The following ERGIC1 variants were observed in gnomAD, a reference collection of about 807,000 sequenced individuals.
The protein encoded by ERGIC1 is endoplasmic reticulum-golgi intermediate compartment 1.
ERGIC1 carries 19 observed loss-of-function variants against 38.3 expected under a neutral mutation model. The ratio of observed to expected loss-of-function variants is 0.50; its 90% CI spans 0.35 to 0.73. The LOEUF is 0.73. Among genes scored for constraint, ERGIC1 ranks in the 30% least tolerant of loss-of-function variants. The pLI is 0.01. For missense variants in ERGIC1, 294 were observed against 389.2 expected (o/e 0.76, Z 2.06); for synonymous variants, 124 against 157.6 (o/e 0.79, Z 1.60).
intron 9 of ERGIC1, chr5:172,936,775 A>C (rs1200661059): frequency 6.6e-6 from 1 of 152,430 alleles, no homozygotes; most frequent in Non-Finnish European, 1.5e-5. Context: ...AGGCGGGAGG[A>C]TCGCTTGAGG....
chr5:172,896,068 T>C (rs1487307933), intron 2 of ERGIC1, among the ~76,000 whole-genome samples: 1 of 151,890 alleles, frequency 6.6e-6, no homozygotes, highest in Non-Finnish European at 1.5e-5. Flanking sequence ...ACCGGCCGGG[T>C]GTAGTGGCTC....
intron 4 of ERGIC1, among the ~76,000 whole-genome samples, chr5:172,910,531 T>C (rs1763179363): frequency 6.7e-6 from 1 of 148,154 alleles, no homozygotes; most frequent in Non-Finnish European, 1.5e-5. Context: ...TTTTTTTTTT[T>C]TTTTTTTTTT....
chr5:172,897,518 G>A (rs1248752652), intron 3 of ERGIC1, among the ~76,000 whole-genome samples: 3 of 152,026 alleles, frequency 2.0e-5, no homozygotes, highest in East Asian at 3.8e-4. Context: ...CTGTGGCATC[G>A]GTTGCTCTTC....
intron 8 of ERGIC1, chr5:172,933,747 G>A (rs1248014791): frequency 2.0e-5 from 3 of 152,198 alleles, no homozygotes; most frequent in Non-Finnish European, 4.4e-5. Context: ...TGCAAGCTCA[G>A]GACCACGCTG....
At chr5:172,858,419 G>A (rs556788971) in intron 1 of ERGIC1, among the ~76,000 whole-genome samples, 225 of 152,316 alleles carry the variant, frequency 1.5e-3, no homozygotes, top group Admixed American at 3.3e-3. Context: ...GACCCATTCC[G>A]GGTCTCGGGC....
chr5:172,901,144 T>G (rs1762865606), intron 3 of ERGIC1, among the ~76,000 whole-genome samples: 1 of 152,174 alleles, frequency 6.6e-6, no homozygotes, highest in Non-Finnish European at 1.5e-5. Context: ...AGATTGTAAC[T>G]TAAGGAAATG....
chr5:172,939,852 C>T (rs777751932), intron 9 of ERGIC1, among the ~76,000 whole-genome samples: 1 of 152,232 alleles, frequency 6.6e-6, no homozygotes, highest in Non-Finnish European at 1.5e-5. Context: ...GGGATGACGC[C>T]AGCACTCAGA....
At chr5:172,919,603 ACT>A (rs1397800994) in intron 5 of ERGIC1, among the ~76,000 whole-genome samples, 3 of 152,062 alleles carry the variant, frequency 2.0e-5, no homozygotes, top group East Asian at 1.9e-4. Context: ...TGGTTGAATG[ACT>A]CTGGGCAGTT....
intron 1 of ERGIC1, among the ~76,000 whole-genome samples, chr5:172,877,459 T>TATATA (rs1554108825): frequency 2.6e-4 from 15 of 57,782 alleles, no homozygotes; most frequent in African/African-American, 7.4e-4. Flanking sequence ...TATATATATA[T>TATATA]TTTTTTTTTT....
intron 1 of ERGIC1, among the ~76,000 whole-genome samples, chr5:172,883,300 G>A (rs1167986383): frequency 6.6e-6 from 1 of 152,130 alleles, no homozygotes; most frequent in Non-Finnish European, 1.5e-5. Context: ...CCATTAGACA[G>A]TGCTGCCGGC....
At chr5:172,874,879 C>G (rs899804887) in intron 1 of ERGIC1, among the ~76,000 whole-genome samples, 3 of 148,986 alleles carry the variant, frequency 2.0e-5, no homozygotes, top group African/African-American at 2.5e-5. Context: ...GAGCCATGAT[C>G]GCGCCACTGC....
At chr5:172,844,580 T>G (rs1761239752) in intron 1 of ERGIC1, among the ~76,000 whole-genome samples, 1 of 152,198 alleles carries the variant, frequency 6.6e-6, no homozygotes, top group Non-Finnish European at 1.5e-5. Flanking sequence ...GGGCATGGAC[T>G]TGAGGCTGGA....
intron 1 of ERGIC1, among the ~76,000 whole-genome samples, chr5:172,864,014 G>T (rs966354417): frequency 2.6e-5 from 4 of 152,144 alleles, no homozygotes; most frequent in African/African-American, 9.7e-5. Context: ...TGACCAACAT[G>T]CTGAAACTTC....
At chr5:172,880,809 G>C (rs1762261015) in intron 1 of ERGIC1, among the ~76,000 whole-genome samples, 1 of 152,222 alleles carries the variant, frequency 6.6e-6, no homozygotes, top group African/African-American at 2.4e-5. Context: ...CTCTGTTTGG[G>C]TTCTGCCCCA....
At chr5:172,916,613 C>G (rs991853825) in intron 5 of ERGIC1, 1 of 152,234 alleles carries the variant, frequency 6.6e-6, no homozygotes, top group Admixed American at 6.5e-5. Context: ...GGGGCCACAG[C>G]GTTAGACAGT....
intron 3 of ERGIC1, among the ~76,000 whole-genome samples, chr5:172,901,069 G>C (rs1762864015): frequency 6.6e-6 from 1 of 152,200 alleles, no homozygotes; most frequent in Admixed American, 6.5e-5. Context: ...TCGTCTTCTG[G>C]GTGGCTGGCC....
chr5:172,884,490 A>G (rs1046515747), intron 1 of ERGIC1, among the ~76,000 whole-genome samples: 6 of 152,132 alleles, frequency 3.9e-5, no homozygotes, highest in African/African-American at 1.4e-4. Flanking sequence ...CCTGGCCTCA[A>G]GCGATCCCCC....
At chr5:172,843,110 C>T (rs1761198290) in intron 1 of ERGIC1, among the ~76,000 whole-genome samples, 1 of 152,196 alleles carries the variant, frequency 6.6e-6, no homozygotes, top group South Asian at 2.1e-4. Flanking sequence ...TGTGCCACTG[C>T]ACTCCAGCCT....
intron 1 of ERGIC1, among the ~76,000 whole-genome samples, chr5:172,887,587 T>A (rs1762454944): frequency 6.6e-6 from 1 of 152,196 alleles, no homozygotes; most frequent in Non-Finnish European, 1.5e-5. Flanking sequence ...GTAGTCTGAT[T>A]CCAGGGTCTT....
Sources: allele counts gnomAD v4.1 joint callset (sites outside exome capture counted in the v4.1 genomes callset), GRCh38; gene constraint gnomAD v4.1.1; transcripts MANE v1.5; gene names NCBI Gene and HGNC (gene_info 2026-07-23, HGNC 2026-07-21).